Variants in MARCHF3 observed in about 807,000 individuals in gnomAD.
MARCHF3 encodes E3 ubiquitin-protein ligase MARCHF3.
A neutral mutation model predicts 24.2 loss-of-function variants in MARCHF3; 13 were observed. The ratio of observed to expected loss-of-function variants is 0.54; its 90% CI spans 0.35 to 0.85. The LOEUF is 0.85. Among genes scored for constraint, MARCHF3 ranks in the 40% least tolerant of loss-of-function variants. MARCHF3 has a pLI of 0.01. For synonymous variants in MARCHF3, 144 were observed against 137.3 expected (o/e 1.05, Z -0.34); for missense variants, 276 against 325.0 (o/e 0.85, Z 1.16).
At chr5:126,920,103 G>T (rs1386612216) in intron 1 of MARCHF3, among the ~76,000 whole-genome samples, 1 of 151,882 alleles carries the variant, frequency 6.6e-6, no homozygotes, top group African/African-American at 2.4e-5. Context: ...AGAGCACAAA[G>T]AACACAATAA....
At chr5:126,991,718 T>C (rs114514693) in intron 1 of MARCHF3, among the ~76,000 whole-genome samples, 7,699 of 151,354 alleles carry the variant, frequency 0.051, 363 homozygotes, top group South Asian at 0.13. Flanking sequence ...AAGATTCTAT[T>C]TCAAAAAAAA....
intron 1 of MARCHF3, among the ~76,000 whole-genome samples, chr5:126,965,639 G>C (rs1461730823): frequency 6.6e-6 from 1 of 152,186 alleles, no homozygotes; most frequent in Non-Finnish European, 1.5e-5. Flanking sequence ...GTTTACCTAA[G>C]TACAAGGTGA....
chr5:126,936,198 T>C (rs1169064229), intron 1 of MARCHF3, among the ~76,000 whole-genome samples: 1 of 152,174 alleles, frequency 6.6e-6, no homozygotes, highest in Non-Finnish European at 1.5e-5. Context: ...TGGCTGTGCT[T>C]TTCCTTTTAG....
intron 1 of MARCHF3, among the ~76,000 whole-genome samples, chr5:127,004,797 T>C (rs1198327989): frequency 2.6e-5 from 4 of 152,172 alleles, no homozygotes; most frequent in Middle Eastern, 3.4e-3. Flanking sequence ...AGTGCCTTCA[T>C]TGGTGCTCTT....
At chr5:126,912,143 C>T (rs1252480602) in intron 3 of MARCHF3, among the ~76,000 whole-genome samples, 1 of 152,206 alleles carries the variant, frequency 6.6e-6, no homozygotes, top group African/African-American at 2.4e-5. Context: ...AGTGTACATA[C>T]AACAGCCCTG....
At chr5:126,938,149 C>T (rs1749706709) in intron 1 of MARCHF3, among the ~76,000 whole-genome samples, 1 of 150,400 alleles carries the variant, frequency 6.6e-6, no homozygotes, top group Admixed American at 6.6e-5. Context: ...TAATTCTCAG[C>T]TCTGTTGATC....
chr5:126,968,523 T>G (rs890761372), intron 1 of MARCHF3, among the ~76,000 whole-genome samples: 1 of 152,246 alleles, frequency 6.6e-6, no homozygotes, highest in African/African-American at 2.4e-5. Context: ...ATTGGTCATA[T>G]GTATACCTTC....
At chr5:127,025,331 A>T (rs1206201661) in intron 1 of MARCHF3, among the ~76,000 whole-genome samples, 1 of 151,048 alleles carries the variant, frequency 6.6e-6, no homozygotes, top group Non-Finnish European at 1.5e-5. Context: ...AAAAAGAAAG[A>T]AACTAACCAG....
rs559048549 is a variant in MARCHF3, at chr5:126,902,971, G to C, written c.393+11959C>G. ...TTGGCTGACACTACAGCATACTCAG[G>C]CACAAGATGTTATAATTGTATTCTC... On this transcript the variant is annotated intron_variant, in intron 3 of 4. Coordinates refer to ENST00000308660, the MANE Select transcript of MARCHF3 (RefSeq NM_178450.5). 7.9e-5 allele frequency among the ~76,000 whole-genome samples: 12 copies of C among 152,142 alleles called. 1 individual carries two copies. Among genetic ancestry groups the C allele is most frequent in the African/African-American group, 2.9e-4 (12 of 41,484 alleles).
chr5:126,973,334 T>C (rs900519001), intron 1 of MARCHF3, among the ~76,000 whole-genome samples: 1 of 152,234 alleles, frequency 6.6e-6, no homozygotes, highest in East Asian at 1.9e-4. Context: ...CATGCTAGGT[T>C]GCACTAACCC....
At chr5:126,879,493 C>A (rs1753279906) in intron 3 of MARCHF3, among the ~76,000 whole-genome samples, 1 of 152,174 alleles carries the variant, frequency 6.6e-6, no homozygotes, top group African/African-American at 2.4e-5. Flanking sequence ...CTTGACTGAA[C>A]TAATCCCCAA....
intron 1 of MARCHF3, among the ~76,000 whole-genome samples, chr5:126,937,861 A>T (rs1749697546): frequency 6.6e-6 from 1 of 152,224 alleles, no homozygotes; most frequent in Admixed American, 6.5e-5. Flanking sequence ...TGATTTCTGC[A>T]GTTATGACAA....
intron 1 of MARCHF3, among the ~76,000 whole-genome samples, chr5:126,979,206 G>GAATTT (rs1304627223): frequency 3.9e-5 from 6 of 152,200 alleles, no homozygotes; most frequent in Non-Finnish European, 7.4e-5. Context: ...TGTTAGCCCA[G>GAATTT]AATTTACTTC....
chr5:126,907,124 G>A (rs1351157841), intron 3 of MARCHF3, among the ~76,000 whole-genome samples: 2 of 151,496 alleles, frequency 1.3e-5, no homozygotes, highest in Non-Finnish European at 2.9e-5. Flanking sequence ...GTAGTTGAGC[G>A]GTTTTGAGTG....
chr5:126,922,183 C>T (rs1356079435), intron 1 of MARCHF3, among the ~76,000 whole-genome samples: 1 of 152,204 alleles, frequency 6.6e-6, no homozygotes, highest in Admixed American at 6.5e-5. Context: ...GCCTCAGCAG[C>T]CCCCAAACCT....
intron 3 of MARCHF3, among the ~76,000 whole-genome samples, chr5:126,898,461 A>G (rs183799682): frequency 6.6e-6 from 1 of 152,262 alleles, no homozygotes; most frequent in African/African-American, 2.4e-5. Flanking sequence ...CATTGAAGTC[A>G]CAGATTTTTA....
intron 1 of MARCHF3, among the ~76,000 whole-genome samples, chr5:127,027,339 C>T (rs1178443464): frequency 6.6e-6 from 1 of 152,154 alleles, no homozygotes; most frequent in Non-Finnish European, 1.5e-5. Context: ...TCACAGCTTC[C>T]CAAGGCGATC....
At chr5:126,892,397 C>T (rs1753725905) in intron 3 of MARCHF3, among the ~76,000 whole-genome samples, 1 of 147,452 alleles carries the variant, frequency 6.8e-6, no homozygotes. Flanking sequence ...CCAGTTTTTG[C>T]CCATTCAGTA....
chr5:127,003,642 C>T (rs1379209635), intron 1 of MARCHF3, among the ~76,000 whole-genome samples: 2 of 145,386 alleles, frequency 1.4e-5, no homozygotes, highest in Admixed American at 7.0e-5. Flanking sequence ...CCCAGCTACT[C>T]GGGAGGCTGA....
Sources: gnomAD v4.1 joint callset for allele counts (sites outside exome capture counted in the v4.1 genomes callset) on GRCh38, gnomAD v4.1.1 for gene constraint, MANE v1.5 for transcripts, NCBI Gene and HGNC (gene_info 2026-07-23, HGNC 2026-07-21) for gene names.